Variants in HCN1 observed in about 807,000 individuals in gnomAD.
HCN1 encodes hyperpolarization activated cyclic nucleotide gated potassium channel 1.
HCN1 carries 13 observed loss-of-function variants against 78.9 expected under a neutral mutation model. The observed-to-expected ratio is 0.16, with a 90% CI of 0.11 to 0.26. The LOEUF is 0.26. Ranked by LOEUF, HCN1 falls within the 10% of genes least tolerant of loss-of-function variation. HCN1 has a pLI of 1.00. For missense variants in HCN1, 810 were observed against 1,154.3 expected (o/e 0.70, Z 4.32); for synonymous variants, 552 against 455.5 (o/e 1.21, Z -2.70).
intron 2 of HCN1, among the ~76,000 whole-genome samples, chr5:45,541,227 T>A (rs1202816850): frequency 6.6e-6 from 1 of 152,166 alleles, no homozygotes; most frequent in African/African-American, 2.4e-5. Flanking sequence ...TATTTATAAT[T>A]TTCCCTTAAG....
rs1745531348 is a variant in HCN1 at position 45,645,467 on chromosome 5, G to A, written c.567C>T (p.Asp189=). The change falls in exon 2 of 8, where the codon GAC becomes GAT. Residue 189 remains aspartate, a synonymous_variant. Transcript: ENST00000303230. The stretch of plus-strand genomic sequence containing the variant: ...TCCCAGTCCTAAAATTCATGATCAG[G>A]TCCAATAGGAAAACTGTATCTGATG... ...NVASDTVFLL[D]LIMNFRTGTV... is the part of the protein sequence containing the mutation. 1 of 1,613,640 alleles carries A rather than the reference G, an allele frequency of 6.2e-7. No homozygotes were observed. Among genetic ancestry groups the A allele is most frequent in the African/African-American group, 1.3e-5 (1 of 75,014 alleles).
intron 6 of HCN1, among the ~76,000 whole-genome samples, chr5:45,293,615 T>A (rs1402567363): frequency 6.6e-6 from 1 of 152,068 alleles, no homozygotes; most frequent in Non-Finnish European, 1.5e-5. Flanking sequence ...CTTCCCCTCC[T>A]TCTCTTTTTC....
At chr5:45,516,609 C>T (rs540866256) in intron 2 of HCN1, among the ~76,000 whole-genome samples, 13 of 151,844 alleles carry the variant, frequency 8.6e-5, no homozygotes, top group Non-Finnish European at 1.5e-4. Context: ...AAATTATTTT[C>T]CTGGTTTTAT....
chr5:45,558,474 T>TA (rs1431994853), intron 2 of HCN1: 2 of 152,160 alleles, frequency 1.3e-5, no homozygotes, highest in African/African-American at 2.4e-5. Flanking sequence ...GTGGCTACAC[T>TA]AAAAAATAGA....
chr5:45,312,665 C>T lies in HCN1; in HGVS notation c.1378-8826G>A, dbSNP rs56377796. Among the ~76,000 whole-genome samples, 471 of 152,332 alleles carry T rather than the reference C, an allele frequency of 3.1e-3. 2 individuals carry two copies. The highest frequency in any genetic ancestry group is 0.02 in the Middle Eastern group (6 of 294). ...CACCTGGAAAATCGGGTCACTCCCA[C>T]CCTAATACTGCACTTTTCCAATGGT... is the stretch of plus-strand genomic sequence containing the variant. On this transcript the variant is annotated intron_variant, in intron 5 of 7. Coordinates refer to ENST00000303230, the MANE Select transcript of HCN1 (RefSeq NM_021072.4).
At chr5:45,569,515 T>G (rs1743781746) in intron 2 of HCN1, among the ~76,000 whole-genome samples, 1 of 152,094 alleles carries the variant, frequency 6.6e-6, no homozygotes, top group South Asian at 2.1e-4. Context: ...AACTTTAGGG[T>G]GTAACATTTC....
intron 4 of HCN1, 81 bp from the exon 5 acceptor site, chr5:45,353,327 C>G: frequency 9.3e-7 from 1 of 1,073,678 alleles, no homozygotes; most frequent in Non-Finnish European, 1.4e-6. Context: ...TTGCTATATT[C>G]AATAATATTT....
chr5:45,295,012 A>T (rs1745460247), intron 6 of HCN1, among the ~76,000 whole-genome samples: 1 of 152,058 alleles, frequency 6.6e-6, no homozygotes, highest in Admixed American at 6.6e-5. Context: ...ATAAAATCTA[A>T]CTCAAAGGAG....
intron 5 of HCN1, among the ~76,000 whole-genome samples, chr5:45,340,079 C>T (rs911402708): frequency 1.5e-4 from 23 of 152,000 alleles, no homozygotes; most frequent in Admixed American, 1.3e-3. Context: ...CCACCACTCC[C>T]AGCTAATTTT....
chr5:45,297,613 A>G (rs550105112), intron 6 of HCN1, among the ~76,000 whole-genome samples: 1 of 152,234 alleles, frequency 6.6e-6, no homozygotes, highest in Admixed American at 6.6e-5. Context: ...AATCCATTCT[A>G]TGAAGTGAGA....
At chr5:45,444,460 T>C (rs1031765014) in intron 3 of HCN1, among the ~76,000 whole-genome samples, 1 of 152,264 alleles carries the variant, frequency 6.6e-6, no homozygotes, top group Non-Finnish European at 1.5e-5. Context: ...AGAATCTTTA[T>C]GTAGTTAAAA....
intron 1 of HCN1, among the ~76,000 whole-genome samples, chr5:45,665,267 G>T (rs1158812448): frequency 7.1e-6 from 1 of 140,228 alleles, no homozygotes; most frequent in African/African-American, 2.7e-5. Context: ...ATGGACACAG[G>T]AAGGGGCACA....
At chr5:45,390,548 A>G (rs1221409780) in intron 4 of HCN1, among the ~76,000 whole-genome samples, 2 of 152,200 alleles carry the variant, frequency 1.3e-5, no homozygotes, top group Non-Finnish European at 1.5e-5. Context: ...TAGTATGGAG[A>G]AATCTTTAGC....
chr5:45,545,845 A>G (rs1011646355), intron 2 of HCN1, among the ~76,000 whole-genome samples: 2 of 152,038 alleles, frequency 1.3e-5, no homozygotes. Flanking sequence ...CTCTGCTAGT[A>G]AAATATCATT....
intron 4 of HCN1, among the ~76,000 whole-genome samples, chr5:45,376,252 GAATATAGA>G (rs1747665907): frequency 1.6e-5 from 2 of 122,978 alleles, no homozygotes; most frequent in South Asian, 5.0e-4. Context: ...ATTCTATATA[GAATATAGA>G]ATATATATTC....
intron 2 of HCN1, among the ~76,000 whole-genome samples, chr5:45,491,989 A>G (rs541214752): frequency 1.3e-5 from 2 of 152,288 alleles, no homozygotes; most frequent in South Asian, 4.1e-4. Context: ...ATAACCAAGT[A>G]TAACAAACCA....
At chr5:45,369,376 A>AAATC (rs1160349948) in intron 4 of HCN1, among the ~76,000 whole-genome samples, 11 of 144,778 alleles carry the variant, frequency 7.6e-5, no homozygotes, top group African/African-American at 2.6e-4. Flanking sequence ...AAATCTGCCC[A>AAATC]TGGCATAACT....
At position 45,372,138 on chromosome 5, in the gene HCN1, ATAATATATTATAT is replaced by A. The variant is rs1561128005; in HGVS notation, c.1231-18905_1231-18893del. ...AATTATATATTATATATATAATATA[ATAATATATTATAT>A]AATATGTTATTATATATAATTATAT... On this transcript the variant is annotated intron_variant, in intron 4 of 7. Coordinates refer to ENST00000303230, the MANE Select transcript of HCN1 (RefSeq NM_021072.4). Among the ~76,000 whole-genome samples, 34 of 52,858 alleles carry A rather than the reference ATAATATATTATAT, an allele frequency of 6.4e-4. 1 individual carries two copies. The East Asian group carries it at 0.027, about 41-fold the overall frequency. 34.7% of individuals were successfully genotyped at this position (52,858 alleles called of 152,430 possible).
At position 45,387,040 on chromosome 5, in the gene HCN1, A is replaced by G. The variant is rs950669443; in HGVS notation, c.1230+9452T>C. Among the ~76,000 whole-genome samples, 105 of 152,008 alleles carry G rather than the reference A, an allele frequency of 6.9e-4. 1 individual carries two copies. The highest frequency in any genetic ancestry group is 2.5e-3 in the African/African-American group (102 of 41,472). ...TAAGCAATGAATATGGAATATAATC[A>G]TTTATGTTATATTATAATCTGAATA... On this transcript the variant is annotated intron_variant, in intron 4 of 7. Transcript: ENST00000303230.
Sources: gnomAD v4.1 joint callset for allele counts (sites outside exome capture counted in the v4.1 genomes callset) on GRCh38, gnomAD v4.1.1 for gene constraint, MANE v1.5 for transcripts, NCBI Gene and HGNC (gene_info 2026-07-23, HGNC 2026-07-21) for gene names.